GTF3C4: variants seen among roughly 807,000 people sequenced by gnomAD.
GTF3C4 encodes general transcription factor 3C polypeptide 4.
In GTF3C4, 28 loss-of-function variants were observed where a neutral mutation model predicts 67.5. The observed-to-expected ratio is 0.41, with a 90% CI of 0.31 to 0.57. The LOEUF (loss-of-function observed/expected upper bound fraction) is 0.57. Ranked by LOEUF, GTF3C4 falls within the 20% of genes least tolerant of loss-of-function variation. The pLI, the probability that GTF3C4 is intolerant of heterozygous loss-of-function variation, is 0.21. For missense variants in GTF3C4, 831 were observed against 1,033.2 expected (o/e 0.80, Z 2.68); for synonymous variants, 409 against 393.0 (o/e 1.04, Z -0.48).
chr9:132,673,808 A>G (rs995371103), intron 1 of GTF3C4, among the ~76,000 whole-genome samples: 6 of 152,208 alleles, frequency 3.9e-5, no homozygotes, highest in Non-Finnish European at 8.8e-5. Flanking sequence ...TAGTTCAGAC[A>G]TTAATTATCA....
intron 3 of GTF3C4, among the ~76,000 whole-genome samples, chr9:132,684,190 C>A (rs115688271): frequency 1.1e-4 from 16 of 152,296 alleles, no homozygotes; most frequent in African/African-American, 3.6e-4. Context: ...TCAGCACTTT[C>A]CCTGGGTGGT....
intron 1 of GTF3C4, among the ~76,000 whole-genome samples, chr9:132,675,072 T>C (rs376045481): frequency 6.6e-6 from 1 of 152,196 alleles, no homozygotes. Context: ...TTAACAATTA[T>C]CATAGGTAAC....
Position 132,679,349 on chromosome 9 carries a change from A to G in GTF3C4, c.1730A>G (p.Lys577Arg). 1 of 1,614,204 alleles carries G rather than the reference A, an allele frequency of 6.2e-7. No homozygotes were observed. Among genetic ancestry groups the G allele is most frequent in the Non-Finnish European group, 8.5e-7 (1 of 1,180,034 alleles). Residue 577 changes from lysine (K) to arginine (R), a missense_variant, in exon 2 of 5, where the codon AAG becomes AGG. Physicochemically the swap from Lys to Arg is conservative, Grantham distance 26 (BLOSUM62 2). Transcript: ENST00000372146. The surrounding 1 kb of genome is among the most constrained non-coding windows in gnomAD (Gnocchi z 5.9). ...SSGVTYFWRF[K>R]LFLLRILYQS... ...GGAGTCACCTATTTTTGGCGTTTTA[A>G]GCTTTTCCTCCTGAGGATTTTATAT... is the stretch of plus-strand genomic sequence containing the variant.
intron 2 of GTF3C4, among the ~76,000 whole-genome samples, chr9:132,683,160 G>A (rs2130900106): frequency 6.6e-6 from 1 of 152,264 alleles, no homozygotes; most frequent in South Asian, 2.1e-4. Flanking sequence ...TAGAGATTAT[G>A]CTTTTTCTTC....
upstream of GTF3C4, chr9:132,670,365 A>AGGGGGTCCTC (rs1349854022): frequency 1.4e-5 from 19 of 1,312,318 alleles, no homozygotes; most frequent in East Asian, 5.5e-4. Flanking sequence ...GGCAGGGAAA[A>AGGGGGTCCTC]GGGGGTCCTC....
At chr9:132,671,208 GGAGTT>G (rs1427499550) in intron 1 of GTF3C4, among the ~76,000 whole-genome samples, 1 of 152,074 alleles carries the variant, frequency 6.6e-6, no homozygotes, top group Non-Finnish European at 1.5e-5. Context: ...GGGGCTTCCC[GGAGTT>G]GAGTCCCAGG....
At position 132,689,843 on chromosome 9, in the gene GTF3C4, G is replaced by A. The variant is rs1304199022; in HGVS notation, c.*898G>A. ...CCAGATGTTTCATTTAGTATCCAGGGGTCTGTCTGGAGACTTCTAGAGAGG... is the reference window on the plus strand; with the variant it reads ...CCAGATGTTTCATTTAGTATCCAGGAGTCTGTCTGGAGACTTCTAGAGAGG... On this transcript the variant is annotated 3_prime_UTR_variant, in exon 5 of 5. Transcript: ENST00000372146. The A allele has an allele frequency of 6.6e-6, 1 of 152,172 alleles. No homozygotes were observed. The highest frequency in any genetic ancestry group is 1.5e-5 in the Non-Finnish European group (1 of 68,036). 9.4% of individuals were successfully genotyped at this position (152,172 alleles called of 1,614,324 possible).
chr9:132,676,029 G>A (rs1306627559), intron 1 of GTF3C4, among the ~76,000 whole-genome samples: 2 of 150,166 alleles, frequency 1.3e-5, no homozygotes, highest in African/African-American at 4.9e-5. Context: ...CTCCTGAGTC[G>A]CTGGGACTAC....
intron 4 of GTF3C4, among the ~76,000 whole-genome samples, chr9:132,687,984 G>A (rs1341543157): frequency 6.6e-6 from 1 of 152,206 alleles, no homozygotes; most frequent in Non-Finnish European, 1.5e-5. Flanking sequence ...TCTATTCTCA[G>A]CTGAAACAAA....
At chr9:132,677,219 T>C (rs1456970715) in intron 1 of GTF3C4, among the ~76,000 whole-genome samples, 1 of 152,168 alleles carries the variant, frequency 6.6e-6, no homozygotes, top group Non-Finnish European at 1.5e-5. Context: ...CTGACCAACA[T>C]GGTGAAACCC....
Position 132,687,314 on chromosome 9 carries a change from TC to T in GTF3C4, c.2393del (p.Pro798GlnfsTer27). 1 of 1,019,850 alleles carries T rather than the reference TC, an allele frequency of 9.8e-7. No individual in the cohort carries two copies. Among genetic ancestry groups the T allele is most frequent in the Non-Finnish European group, 1.4e-6 (1 of 732,364 alleles). 63.2% of individuals were successfully genotyped at this position (1,019,850 alleles called of 1,614,324 possible). On this transcript the variant is annotated frameshift_variant, in exon 4 of 5. Transcript: ENST00000372146. LOFTEE classifies it high-confidence loss of function. ...TGCTCCATGACAGCATTGCCCGGCA[TC>T]CAGCTCCAGAAGGTGAGTGCTTTCC... is the stretch of plus-strand genomic sequence containing the variant. Reference protein sequence around the residue: ...CLLHDSIARHPAPEDPDWIKR... With the variant: ...CLLHDSIARHXAPEDPDWIKR...
In GTF3C4 at chr9:132,670,523, T is replaced by A. The variant is rs1045759050; in HGVS notation, c.-76T>A. On this transcript the variant is annotated 5_prime_UTR_variant, in exon 1 of 5. Coordinates refer to ENST00000372146, the MANE Select transcript of GTF3C4 (RefSeq NM_012204.4). ...AAACCGCCGCGGAGGGCGCTGGGGG[T>A]GGCGGCGGCGGTCCGGGAGGTGGTC... The A allele has an allele frequency of 1.7e-6, 2 of 1,161,594 alleles. No individual in the cohort carries two copies. Among genetic ancestry groups the A allele is most frequent in the East Asian group, 6.0e-5 (2 of 33,294 alleles). The allele number at this position is 1,161,594 out of a possible 1,614,324, so 72.0% of individuals were successfully genotyped here.
chr9:132,679,080 A>G lies in GTF3C4; in HGVS notation c.1461A>G (p.Ala487=), dbSNP rs148572797. 357 of 1,614,206 alleles carry G rather than the reference A, an allele frequency of 2.2e-4. No individual in the cohort carries two copies. The African/African-American group carries it at 4.3e-3, about 19-fold the overall frequency. The change falls in exon 2 of 5, where the codon GCA becomes GCG. Residue 487 remains alanine (A), a synonymous_variant. Transcript: ENST00000372146. This position sits in a 1 kb window ranked among gnomAD's most constrained non-coding sequence, Gnocchi z 5.9. ...THGIAVSPCG[A]YLAIITTEGM... is the part of the protein sequence containing the mutation. Reference sequence around the variant, plus strand: ...GGATAGCAGTGAGCCCCTGCGGTGCATACCTGGCCATCATCACCACTGAGG... The same window carrying G: ...GGATAGCAGTGAGCCCCTGCGGTGCGTACCTGGCCATCATCACCACTGAGG...
Position 132,692,152 on chromosome 9 carries a change from T to G in GTF3C4, c.*3207T>G, listed in dbSNP as rs1344322860. 2 of 152,196 alleles carry G rather than the reference T, an allele frequency of 1.3e-5. No individual in the cohort carries two copies. The allele number at this position is 152,196 out of a possible 1,614,324, so 9.4% of individuals were successfully genotyped here. On this transcript the variant is annotated 3_prime_UTR_variant, in exon 5 of 5. Transcript: ENST00000372146. ...CCATCGTTTCTGCTCCTGACCTCTC[T>G]CTCTTGCCTTTCCTTCCCCCAGACA...
In GTF3C4 at chr9:132,670,863, C is replaced by T. The variant is rs749990071; in HGVS notation, c.265C>T (p.Leu89=). ...SVSTARSIAV[L]ELICDVHNPG... ...GTCCACGGCCCGCAGCATCGCTGTG[C>T]TGGAGCTCATCTGCGACGTGCACAA... Residue 89 remains leucine, a synonymous_variant, in exon 1 of 5, where the codon CTG becomes TTG. Coordinates refer to ENST00000372146, the MANE Select transcript of GTF3C4 (RefSeq NM_012204.4). 8 of 1,612,236 alleles carry T rather than the reference C, an allele frequency of 5.0e-6. No individual in the cohort carries two copies. In the East Asian group the frequency reaches 1.3e-4, roughly 27 times the overall value.
In GTF3C4 at chr9:132,681,561, T is replaced by TC. The variant is rs1409399398; in HGVS notation, c.2184+1765dup. On this transcript the variant is annotated intron_variant, in intron 2 of 4. Transcript: ENST00000372146. ...TTTTTTAACCTTTTTAAATTATCAC[T>TC]CCCCCCCGAACATTTTTAGACACTT... Among the ~76,000 whole-genome samples, 5 of 152,066 alleles carry TC rather than the reference T, an allele frequency of 3.3e-5. No individual in the cohort carries two copies. The South Asian group carries it at 6.2e-4, about 19-fold the overall frequency.
Position 132,678,497 on chromosome 9 carries a change from C to T in GTF3C4, c.878C>T (p.Pro293Leu). ...GNIAVWQFQL[P>L]FVGKESISSC... ...ATCGCCGTGTGGCAGTTTCAGCTGC[C>T]GTTTGTAGGAAAAGAATCCATCTCT... is the stretch of plus-strand genomic sequence containing the variant. Residue 293 changes from proline to leucine, a missense_variant, in exon 2 of 5, where the codon CCG becomes CTG. By Grantham distance (98) the Pro-to-Leu change is moderately conservative. This residue lies in a region of GTF3C4 where 390 missense variants were observed against 540.3 expected (regional missense o/e 0.72). Coordinates refer to ENST00000372146, the MANE Select transcript of GTF3C4 (RefSeq NM_012204.4). This position sits in a 1 kb window ranked among gnomAD's most constrained non-coding sequence, Gnocchi z 6.5. 1.2e-6 allele frequency: 2 copies of T among 1,614,080 alleles called. No homozygotes were observed. The highest frequency in any genetic ancestry group is 1.7e-6 in the Non-Finnish European group (2 of 1,180,016).
At chr9:132,670,062 T>C, upstream of GTF3C4, 6 of 1,564,518 alleles carry the variant, frequency 3.8e-6, no homozygotes, top group Non-Finnish European at 5.2e-6. Flanking sequence ...GCTCCAGCTG[T>C]ACGGACTCGT....
At chr9:132,681,689 T>G (rs1366224503) in intron 2 of GTF3C4, among the ~76,000 whole-genome samples, 1 of 152,172 alleles carries the variant, frequency 6.6e-6, no homozygotes, top group Non-Finnish European at 1.5e-5. Flanking sequence ...GAACTTTTTG[T>G]CCCAAGAACT....
Sources: allele counts gnomAD v4.1 joint callset (sites outside exome capture counted in the v4.1 genomes callset), GRCh38; gene constraint gnomAD v4.1.1; regional missense constraint gnomAD v4.1.1; non-coding constraint Gnocchi (gnomAD v3.1); transcripts MANE v1.5; gene names NCBI Gene and HGNC (gene_info 2026-07-23, HGNC 2026-07-21).